The following BANK1 variants were observed in gnomAD, a reference collection of about 807,000 sequenced individuals.
The protein encoded by BANK1 is B cell scaffold protein with ankyrin repeats 1.
Under a neutral mutation model 94.5 loss-of-function variants are expected in BANK1, and 95 were observed. That is an observed-to-expected ratio of 1.00 (90% CI 0.85 to 1.19). BANK1 has a LOEUF of 1.19. Ranked by LOEUF, BANK1 falls within the 50% of genes most tolerant of loss-of-function variation. The pLI, the probability that BANK1 is intolerant of heterozygous loss-of-function variation, is 0.00. For synonymous variants in BANK1, 334 were observed against 308.4 expected, an observed-to-expected ratio of 1.08 and a Z score of -0.87; for missense variants, 987 against 932.2, an observed-to-expected ratio of 1.06 and a Z score of -0.77.
chr4:101,830,239 T>A, intron 2 of BANK1, 33 bp downstream of exon 2: 1 of 1,396,984 alleles, frequency 7.2e-7, no homozygotes, highest in Admixed American at 3.0e-5. Flanking sequence ...GTTTTATTTT[T>A]ATTTGTTTTT....
chr4:102,063,823 A>C (rs1186207600), intron 13 of BANK1, among the ~76,000 whole-genome samples: 1 of 151,612 alleles, frequency 6.6e-6, no homozygotes, highest in Non-Finnish European at 1.5e-5. Context: ...TATCTCAAAA[A>C]AAAAAAAAAA....
At chr4:101,846,316 A>G (rs979586495) in intron 2 of BANK1, among the ~76,000 whole-genome samples, 2 of 152,188 alleles carry the variant, frequency 1.3e-5, no homozygotes, top group African/African-American at 4.8e-5. Flanking sequence ...TCAGCAAACT[A>G]TTGCAAGGAT....
chr4:101,837,766 CA>C (rs1260493893), intron 2 of BANK1, among the ~76,000 whole-genome samples: 1 of 152,090 alleles, frequency 6.6e-6, no homozygotes, highest in East Asian at 1.9e-4. Context: ...TCCTAGGCAG[CA>C]GACTGTAATT....
chr4:101,848,313 A>G (rs1484672196), intron 2 of BANK1, among the ~76,000 whole-genome samples: 1 of 152,156 alleles, frequency 6.6e-6, no homozygotes, highest in Non-Finnish European at 1.5e-5. Flanking sequence ...GCTAAAATTC[A>G]CAATGCGAGC....
chr4:101,958,422 CTT>C (rs10580633), intron 7 of BANK1, among the ~76,000 whole-genome samples: 53,415 of 137,328 alleles, frequency 0.39, 10,880 homozygotes, highest in South Asian at 0.53. Context: ...GCTACAAACA[CTT>C]TTTTTTTTTT....
At chr4:102,018,525 T>C (rs887293757) in intron 7 of BANK1, among the ~76,000 whole-genome samples, 3 of 152,246 alleles carry the variant, frequency 2.0e-5, no homozygotes, top group Admixed American at 2.0e-4. Context: ...GTCAAAGCCA[T>C]GTGGAACTTC....
intron 4 of BANK1, among the ~76,000 whole-genome samples, chr4:101,867,907 A>T (rs1398469084): frequency 6.6e-6 from 1 of 151,960 alleles, no homozygotes; most frequent in East Asian, 1.9e-4. Context: ...AAATGTAGGG[A>T]ATAATAAAAA....
At chr4:102,017,679 G>A (rs1057364225) in intron 7 of BANK1, among the ~76,000 whole-genome samples, 1 of 152,202 alleles carries the variant, frequency 6.6e-6, no homozygotes, top group African/African-American at 2.4e-5. Context: ...TTTCTACAAA[G>A]CAGGGGATCA....
At chr4:102,011,420 C>A (rs1448135777) in intron 7 of BANK1, among the ~76,000 whole-genome samples, 1 of 152,186 alleles carries the variant, frequency 6.6e-6, no homozygotes, top group Admixed American at 6.5e-5. Context: ...TATCACTTCA[C>A]AACAAGGAGG....
intron 3 of BANK1, among the ~76,000 whole-genome samples, chr4:101,857,871 CTATTTT>C (rs1727734796): frequency 6.6e-6 from 1 of 152,016 alleles, no homozygotes; most frequent in Admixed American, 6.6e-5. Flanking sequence ...CACACTTTTT[CTATTTT>C]AGTATTTTTT....
intron 4 of BANK1, 32 bp from the exon 5 acceptor site, chr4:101,870,473 T>G (rs1173828160): frequency 1.9e-6 from 3 of 1,593,146 alleles, no homozygotes. Flanking sequence ...CATTATATAC[T>G]CTGCCCCTAA....
At chr4:101,921,298 G>A (rs2148901415) in intron 7 of BANK1, among the ~76,000 whole-genome samples, 1 of 152,008 alleles carries the variant, frequency 6.6e-6, no homozygotes, top group South Asian at 2.1e-4. Context: ...AATGGCAAAA[G>A]ATTTGGTACT....
chr4:101,816,146 C>T (rs1311710147), intron 1 of BANK1, among the ~76,000 whole-genome samples: 1 of 152,146 alleles, frequency 6.6e-6, no homozygotes, highest in Admixed American at 6.5e-5. Flanking sequence ...TTTCAGTGGG[C>T]ATTTGTTGAT....
intron 6 of BANK1, among the ~76,000 whole-genome samples, chr4:101,898,682 A>G (rs1038017915): frequency 2.0e-5 from 3 of 152,048 alleles, no homozygotes; most frequent in Non-Finnish European, 4.4e-5. Flanking sequence ...CAACCAAAAA[A>G]TCTTATTATT....
At chr4:101,965,942 G>T (rs576365688) in intron 7 of BANK1, among the ~76,000 whole-genome samples, 1 of 152,122 alleles carries the variant, frequency 6.6e-6, no homozygotes, top group African/African-American at 2.4e-5. Context: ...TTGTCCCCAT[G>T]GGCAATGTCT....
At chr4:101,835,461 A>G (rs1200125513) in intron 2 of BANK1, among the ~76,000 whole-genome samples, 1 of 152,138 alleles carries the variant, frequency 6.6e-6, no homozygotes, top group Non-Finnish European at 1.5e-5. Context: ...TAACAGGAAA[A>G]ACTTCTCTTT....
At chr4:102,045,081 G>T (rs1042357716) in intron 11 of BANK1, among the ~76,000 whole-genome samples, 4 of 152,022 alleles carry the variant, frequency 2.6e-5, no homozygotes, top group African/African-American at 7.3e-5. Context: ...CATTGCTTTG[G>T]TGTTTTATAC....
At chr4:101,813,817 A>G (rs1725803463) in intron 1 of BANK1, 2 of 980,838 alleles carry the variant, frequency 2.0e-6, no homozygotes, top group Non-Finnish European at 2.4e-6. Flanking sequence ...TAGGTCTGCA[A>G]TTTCCCTTCT....
intron 7 of BANK1, among the ~76,000 whole-genome samples, chr4:101,926,987 G>C (rs181623715): frequency 3.6e-4 from 55 of 151,888 alleles, no homozygotes; most frequent in African/African-American, 1.3e-3. Context: ...CTGTAGGGCT[G>C]TATAGGTAAT....
Sources: allele counts gnomAD v4.1 joint callset (sites outside exome capture counted in the v4.1 genomes callset), GRCh38; gene constraint gnomAD v4.1.1; transcripts MANE v1.5; gene names NCBI Gene and HGNC (gene_info 2026-07-23, HGNC 2026-07-21).